FAAH2: variants seen among roughly 807,000 people sequenced by gnomAD.
The protein encoded by FAAH2 is fatty acid amide hydrolase 2, also known as fatty-acid amide hydrolase 2.
A neutral mutation model predicts 36.9 loss-of-function variants in FAAH2; 60 were observed. The ratio of observed to expected loss-of-function variants is 1.63; its 90% confidence interval spans 1.32 to 2.02. The LOEUF (loss-of-function observed/expected upper bound fraction) is 2.02, where lower values mean the gene tolerates loss of function less well. Ranked by LOEUF, FAAH2 falls within the 30% of genes most tolerant of loss-of-function variation. FAAH2 has a pLI of 0.00. For synonymous variants in FAAH2, 214 were observed against 143.8 expected (o/e 1.49, Z -3.49); for missense variants, 689 against 397.5 (o/e 1.73, Z -6.23).
At chrX:57,208,097 T>C in the FAAH2 span, among the ~76,000 whole-genome samples, 1 of 112,853 alleles carries the variant, frequency 8.9e-6, no homozygotes, top group Admixed American at 9.3e-5. Context: ...TCTGCCTGAA[T>C]AGAACTGAGA....
the FAAH2 span, among the ~76,000 whole-genome samples, chrX:57,128,163 G>C: frequency 1.8e-5 from 2 of 111,180 alleles, no homozygotes; most frequent in African/African-American, 6.5e-5. Context: ...TTGCTGATGA[G>C]GTAGGTATCT....
intron 7 of FAAH2, among the ~76,000 whole-genome samples, chrX:57,427,212 T>A (rs1268948612): frequency 2.7e-5 from 3 of 110,296 alleles, no homozygotes; most frequent in Non-Finnish European, 5.7e-5. Context: ...CATGAGCAGA[T>A]CAGAAATGAG....
intron 7 of FAAH2, among the ~76,000 whole-genome samples, chrX:57,401,272 C>T (rs141819969): frequency 1.9e-3 from 208 of 111,631 alleles, no homozygotes; most frequent in Middle Eastern, 4.6e-3. Context: ...TGGGCTAGTG[C>T]CTGGCCAAAT....
At chrX:57,486,063 C>T (rs2057468421) in intron 10 of FAAH2, among the ~76,000 whole-genome samples, 1 of 111,534 alleles carries the variant, frequency 9.0e-6, no homozygotes, top group Non-Finnish European at 1.9e-5. Context: ...TTTAATTTGG[C>T]AGTGCTGATG....
At chrX:57,404,648 A>G (rs180799259) in intron 7 of FAAH2, among the ~76,000 whole-genome samples, 2 of 111,626 alleles carry the variant, frequency 1.8e-5, no homozygotes, top group Admixed American at 1.9e-4. Flanking sequence ...TCTTCCTTAG[A>G]TCCCTTTGGA....
chrX:57,144,923 TACAC>T, the FAAH2 span, among the ~76,000 whole-genome samples: 24 of 105,425 alleles, frequency 2.3e-4, no homozygotes, highest in Middle Eastern at 5.1e-3. Flanking sequence ...TGTGTGTGCA[TACAC>T]ACACACACAC....
intron 7 of FAAH2, among the ~76,000 whole-genome samples, chrX:57,385,860 A>G (rs1257596229): frequency 9.2e-6 from 1 of 108,252 alleles, no homozygotes; most frequent in Non-Finnish European, 1.9e-5. Context: ...GTGAGTGAAG[A>G]TCGCACCACT....
rs970396605 is a variant in FAAH2, at chrX:57,319,487, G to A, written c.412+8758G>A. Among the ~76,000 whole-genome samples, 3 of 111,589 alleles carry A rather than the reference G, an allele frequency of 2.7e-5. No homozygotes were observed. In the East Asian group the frequency reaches 8.4e-4, roughly 31 times the overall value. ...AAGGGATGTGAAGGACCTCTTCAAGGAGAACTACAAACCACTGCTCAAGGA... is the reference window on the plus strand; with the variant it reads ...AAGGGATGTGAAGGACCTCTTCAAGAAGAACTACAAACCACTGCTCAAGGA... On this transcript the variant is annotated intron_variant, in intron 3 of 10. Coordinates refer to ENST00000374900, the MANE Select transcript of FAAH2 (RefSeq NM_174912.4).
At chrX:57,422,079 GA>G (rs1347483455) in intron 7 of FAAH2, among the ~76,000 whole-genome samples, 26 of 107,297 alleles carry the variant, frequency 2.4e-4, no homozygotes, top group Admixed American at 3.0e-4. Context: ...ACAGACATAG[GA>G]AAAAAAAAAC....
chrX:57,386,752 T>C (rs2055034567), intron 7 of FAAH2, among the ~76,000 whole-genome samples: 1 of 112,182 alleles, frequency 8.9e-6, no homozygotes, highest in African/African-American at 3.2e-5. Flanking sequence ...TTTTCCTAAA[T>C]GGGTTTTTTC....
intron 10 of FAAH2, among the ~76,000 whole-genome samples, chrX:57,474,731 G>T (rs2057233983): frequency 8.9e-6 from 1 of 111,861 alleles, no homozygotes; most frequent in Non-Finnish European, 1.9e-5. Flanking sequence ...TGCAGTAATG[G>T]GATTTCTGGG....
At chrX:57,432,914 A>G (rs2056333751) in intron 8 of FAAH2, among the ~76,000 whole-genome samples, 2 of 109,780 alleles carry the variant, frequency 1.8e-5, no homozygotes, top group South Asian at 3.9e-4. Context: ...TTTATAAGAT[A>G]TCTCACATAC....
At chrX:57,264,426 A>T in the FAAH2 span, among the ~76,000 whole-genome samples, 163 of 112,946 alleles carry the variant, frequency 1.4e-3, 1 homozygote, top group African/African-American at 3.8e-3. Flanking sequence ...CAAGCATATT[A>T]AAAAAAGCTC....
At chrX:57,398,852 C>T (rs1039014031) in intron 7 of FAAH2, among the ~76,000 whole-genome samples, 4 of 111,584 alleles carry the variant, frequency 3.6e-5, no homozygotes, top group African/African-American at 1.3e-4. Context: ...AATTCTTATT[C>T]GGCCTAGGAA....
At chrX:57,372,496 GTTAT>G (rs975197926) in intron 5 of FAAH2, among the ~76,000 whole-genome samples, 4 of 109,932 alleles carry the variant, frequency 3.6e-5, no homozygotes, top group African/African-American at 1.3e-4. Flanking sequence ...TTTTCATGGG[GTTAT>G]TTGTTTATTG....
At chrX:57,265,461 T>C in the FAAH2 span, among the ~76,000 whole-genome samples, 2 of 111,280 alleles carry the variant, frequency 1.8e-5, no homozygotes, top group Admixed American at 9.5e-5. Flanking sequence ...GGTGGGCTAC[T>C]AACTCTGCTG....
chrX:57,149,701 A>C, the FAAH2 span, among the ~76,000 whole-genome samples: 4 of 111,297 alleles, frequency 3.6e-5, no homozygotes, highest in African/African-American at 1.3e-4. Flanking sequence ...ATCTTTTCAA[A>C]AAAACAGCTC....
intron 3 of FAAH2, among the ~76,000 whole-genome samples, chrX:57,318,943 A>C (rs1232268082): frequency 8.9e-6 from 1 of 112,003 alleles, no homozygotes; most frequent in African/African-American, 3.2e-5. Context: ...CAATAGATGC[A>C]GAAAAGGCCC....
chrX:57,338,058 TCA>T (rs763856627), intron 4 of FAAH2, among the ~76,000 whole-genome samples: 2 of 112,115 alleles, frequency 1.8e-5, no homozygotes, highest in African/African-American at 3.2e-5. Context: ...CAACAAAGTC[TCA>T]GTTTCATGAA....
Sources: gnomAD v4.1 joint callset for allele counts (sites outside exome capture counted in the v4.1 genomes callset) on GRCh38, gnomAD v4.1.1 for gene constraint, MANE v1.5 for transcripts, NCBI Gene and HGNC (gene_info 2026-07-23, HGNC 2026-07-21) for gene names.